Variants in FHIT observed in about 807,000 individuals in gnomAD.
FHIT encodes fragile histidine triad diadenosine triphosphatase.
Under a neutral mutation model 17.9 loss-of-function variants are expected in FHIT, and 19 were observed. The ratio of observed to expected loss-of-function variants is 1.06; its 90% CI spans 0.74 to 1.56. The LOEUF (loss-of-function observed/expected upper bound fraction) is 1.56. Among genes scored for constraint, FHIT ranks in the 40% most tolerant of loss-of-function variants. The pLI is 0.00. For synonymous variants in FHIT, 81 were observed against 69.7 expected, an observed-to-expected ratio of 1.16 and a Z score of -0.81; for missense variants, 248 against 189.2, an observed-to-expected ratio of 1.31 and a Z score of -1.82.
intron 5 of FHIT, among the ~76,000 whole-genome samples, chr3:60,174,365 G>A (rs1701571960): frequency 6.6e-6 from 1 of 151,836 alleles, no homozygotes; most frequent in Non-Finnish European, 1.5e-5. Flanking sequence ...TAGTACTCTT[G>A]TGTCTGCAAA....
intron 8 of FHIT, among the ~76,000 whole-genome samples, chr3:59,858,236 CTTTTT>C (rs563841299): frequency 0.063 from 5,347 of 84,208 alleles, 77 homozygotes; most frequent in Non-Finnish European, 0.088. Context: ...TTCCCACCTT[CTTTTT>C]TTTTTTTTTT....
rs534596462 is a variant in FHIT, at chr3:60,787,859, A to G, written c.-18+34060T>C. Among the ~76,000 whole-genome samples the G allele has an allele frequency of 2.6e-5, 4 of 152,294 alleles. No individual in the cohort carries two copies. In the South Asian group the frequency reaches 6.2e-4, roughly 24 times the overall value. On this transcript the variant is annotated intron_variant, in intron 4 of 9. Transcript: ENST00000492590. ...CAAGGGTCTTTTTCTGATCTATTAA[A>G]TGCCAGGTTGTTGGGGTGGGTTTTC...
chr3:60,981,858 C>T (rs1710511183), intron 3 of FHIT, among the ~76,000 whole-genome samples: 1 of 152,118 alleles, frequency 6.6e-6, no homozygotes, highest in African/African-American at 2.4e-5. Context: ...CCACCTTGGC[C>T]TCCCAAAATG....
intron 4 of FHIT, among the ~76,000 whole-genome samples, chr3:60,591,832 C>T (rs907034899): frequency 2.6e-5 from 4 of 152,046 alleles, no homozygotes; most frequent in Non-Finnish European, 4.4e-5. Context: ...AATTGTCTGG[C>T]TCTACCTTAC....
In FHIT at chr3:61,198,385, C is replaced by T. The variant is rs111877062; in HGVS notation, c.-164+2232G>A. Among the ~76,000 whole-genome samples the T allele has an allele frequency of 6.1e-3, 925 of 152,248 alleles. 4 individuals are homozygous for T. The highest frequency in any genetic ancestry group is 9.8e-3 in the Non-Finnish European group (665 of 68,016). On this transcript the variant is annotated intron_variant, in intron 2 of 9. Coordinates refer to ENST00000492590, the MANE Select transcript of FHIT (RefSeq NM_002012.4). ...TTCCAAAGAAGGAGCATTTACTTAG[C>T]CAAGCTTGTGGTCATACACCCATCC...
At chr3:60,408,399 C>T (rs547995809) in intron 5 of FHIT, among the ~76,000 whole-genome samples, 2 of 152,240 alleles carry the variant, frequency 1.3e-5, no homozygotes, top group African/African-American at 2.4e-5. Flanking sequence ...CAACTACCTG[C>T]GTCCACAACA....
rs138191355 is a variant in FHIT, at chr3:60,580,704, G to C, written c.-17-43725C>G. Among the ~76,000 whole-genome samples the C allele has an allele frequency of 3.2e-3, 482 of 152,158 alleles. 5 individuals carry two copies. Among genetic ancestry groups the C allele is most frequent in the African/African-American group, 0.011 (466 of 41,532 alleles). ...ACTGTCTTGGCAATGCACTGCCTTT[G>C]TCACTCAGGTAAGTCACTTCTTCCT... On this transcript the variant is annotated intron_variant, in intron 4 of 9. Coordinates refer to ENST00000492590, the MANE Select transcript of FHIT (RefSeq NM_002012.4).
At position 60,850,323 on chromosome 3, in the gene FHIT, T is replaced by TTCTCTCTCTCTC. The variant is rs3046704; in HGVS notation, c.-110-28324_-110-28313dup. On this transcript the variant is annotated intron_variant, in intron 3 of 9. Transcript: ENST00000492590. ...CATGTTAGGGCCTTTGTGTCTGCAC[T>TTCTCTCTCTCTC]TCTCTCTCTCTCTCTCTCTCTCTCT... 2.0e-3 allele frequency among the ~76,000 whole-genome samples: 235 copies of TTCTCTCTCTCTC among 120,220 alleles called. 1 individual carries two copies. The highest frequency in any genetic ancestry group is 2.6e-3 in the Non-Finnish European group (151 of 57,858). 78.9% of individuals were successfully genotyped at this position (120,220 alleles called of 152,430 possible).
At chr3:60,327,501 C>T (rs11130766) in intron 5 of FHIT, among the ~76,000 whole-genome samples, 57,408 of 152,156 alleles carry the variant, frequency 0.38, 12,131 homozygotes, top group South Asian at 0.57. Context: ...TTTACAAAAA[C>T]AGCCAGAGGA....
At chr3:60,450,444 T>G (rs577149723) in intron 5 of FHIT, among the ~76,000 whole-genome samples, 2 of 151,986 alleles carry the variant, frequency 1.3e-5, no homozygotes, top group African/African-American at 4.8e-5. Context: ...ATTATCCAGG[T>G]CCTGTATAGA....
At chr3:60,387,406 CG>C (rs1158691484) in intron 5 of FHIT, among the ~76,000 whole-genome samples, 4 of 152,078 alleles carry the variant, frequency 2.6e-5, no homozygotes, top group African/African-American at 9.7e-5. Flanking sequence ...TAAAACTTCC[CG>C]AACTGATCAA....
intron 4 of FHIT, among the ~76,000 whole-genome samples, chr3:60,568,389 T>C (rs1168623637): frequency 1.3e-5 from 2 of 151,354 alleles, no homozygotes; most frequent in South Asian, 2.1e-4. Context: ...TTCTCACTCA[T>C]AGGTGGGAAT....
chr3:60,694,338 G>T (rs561700524), intron 4 of FHIT, among the ~76,000 whole-genome samples: 1 of 151,908 alleles, frequency 6.6e-6, no homozygotes, highest in East Asian at 1.9e-4. Context: ...AACAATCAGA[G>T]AAATGCAAAT....
chr3:60,509,315 G>A (rs984580170), intron 5 of FHIT, among the ~76,000 whole-genome samples: 1 of 152,142 alleles, frequency 6.6e-6, no homozygotes, highest in African/African-American at 2.4e-5. Flanking sequence ...AGGCCTGTTT[G>A]TGCTTAGCTT....
chr3:60,237,497 G>A (rs998466167), intron 5 of FHIT, among the ~76,000 whole-genome samples: 1 of 152,022 alleles, frequency 6.6e-6, no homozygotes, highest in Non-Finnish European at 1.5e-5. Context: ...CAGAAGACAG[G>A]GACCTTGATG....
chr3:60,552,707 A>G (rs2036601326), intron 4 of FHIT, among the ~76,000 whole-genome samples: 1 of 152,130 alleles, frequency 6.6e-6, no homozygotes, highest in Admixed American at 6.5e-5. Flanking sequence ...TCTGCTCCAG[A>G]GCTCTTTAGA....
chr3:59,812,085 G>C (rs760936574), intron 8 of FHIT, among the ~76,000 whole-genome samples: 11 of 152,168 alleles, frequency 7.2e-5, no homozygotes, highest in Non-Finnish European at 1.5e-4. Context: ...GCACAGTTTT[G>C]ATTGTCATAA....
At chr3:60,233,236 T>G (rs1178447247) in intron 5 of FHIT, among the ~76,000 whole-genome samples, 1 of 152,202 alleles carries the variant, frequency 6.6e-6, no homozygotes, top group Non-Finnish European at 1.5e-5. Flanking sequence ...AGAACTTGTA[T>G]GGCTCAAAAG....
At chr3:61,197,659 G>A (rs192429215) in intron 2 of FHIT, among the ~76,000 whole-genome samples, 1 of 152,336 alleles carries the variant, frequency 6.6e-6, no homozygotes, top group Non-Finnish European at 1.5e-5. Context: ...AAGGTGCTCA[G>A]TAGGGTAAGA....
Sources: gnomAD v4.1 joint callset for allele counts (sites outside exome capture counted in the v4.1 genomes callset) on GRCh38, gnomAD v4.1.1 for gene constraint, MANE v1.5 for transcripts, NCBI Gene and HGNC (gene_info 2026-07-23, HGNC 2026-07-21) for gene names.